The following MME variants were observed in gnomAD, a reference collection of about 807,000 sequenced individuals.
MME encodes membrane metalloendopeptidase, also known as neprilysin.
In MME, 98 loss-of-function variants were observed where a neutral mutation model predicts 113.2. The observed-to-expected ratio is 0.87, with a 90% confidence interval of 0.74 to 1.02. The LOEUF is 1.02. MME is among the 50% of genes least tolerant of loss of function. MME has a pLI of 0.00. For missense variants in MME, 836 were observed against 896.0 expected (o/e 0.93, Z 0.86); for synonymous variants, 292 against 300.6 (o/e 0.97, Z 0.30).
rs368588360 is a variant in MME at position 155,114,321 on chromosome 3, A to AT, written c.197-671dup. 2.7e-3 allele frequency among the ~76,000 whole-genome samples: 410 copies of AT among 152,282 alleles called. 3 individuals are homozygous for AT. The highest frequency in any genetic ancestry group is 9.6e-3 in the African/African-American group (397 of 41,566). On this transcript the variant is annotated intron_variant, in intron 3 of 22. Coordinates refer to ENST00000360490, the MANE Select transcript of MME (RefSeq NM_007289.4). ...AGCTCCTACCAGAGTCAACGTCTTGATTGTAAATACTCAGTGTTGGTTGAT... is the reference window on the plus strand; with the variant it reads ...AGCTCCTACCAGAGTCAACGTCTTGATTTGTAAATACTCAGTGTTGGTTGAT...
intron 20 of MME, among the ~76,000 whole-genome samples, chr3:155,170,411 A>G (rs1340101737): frequency 6.6e-6 from 1 of 152,092 alleles, no homozygotes; most frequent in African/African-American, 2.4e-5. Flanking sequence ...TTATTCTAGG[A>G]TACAGTTAAA....
At chr3:155,166,767 C>T (rs1723126195) in intron 17 of MME, 135 bp from the exon 18 acceptor site, 2 of 1,098,878 alleles carry the variant, frequency 1.8e-6, no homozygotes, top group South Asian at 2.6e-5. Flanking sequence ...CCAAGCCTGC[C>T]ATCACTGAAT....
chr3:155,143,410 G>T, intron 12 of MME, 33 bp from the exon 13 acceptor site: 1 of 1,607,116 alleles, frequency 6.2e-7, no homozygotes, highest in South Asian at 1.1e-5. Flanking sequence ...CTTTCCTTCT[G>T]GTCAAATGCC....
upstream of MME, among the ~76,000 whole-genome samples, chr3:155,077,192 C>T (rs1433734678): frequency 6.6e-6 from 1 of 152,132 alleles, no homozygotes; most frequent in Non-Finnish European, 1.5e-5. Flanking sequence ...TACTTGCCTG[C>T]TGGCTCAATG....
At chr3:155,077,721 AC>A (rs1714799591), upstream of MME, among the ~76,000 whole-genome samples, 1 of 151,376 alleles carries the variant, frequency 6.6e-6, no homozygotes, top group Non-Finnish European at 1.5e-5. Flanking sequence ...ACAAAAAAAA[AC>A]GAACAACAGC....
chr3:155,083,792 G>C (rs1035383052), intron 1 of MME: 1 of 255,526 alleles, frequency 3.9e-6, no homozygotes, highest in African/African-American at 2.3e-5. Context: ...AGTTCAAAAG[G>C]GTGAGTTTAA....
chr3:155,179,970 A>G (rs1201603522), intron 22 of MME, among the ~76,000 whole-genome samples: 4 of 152,250 alleles, frequency 2.6e-5, no homozygotes, highest in Non-Finnish European at 4.4e-5. Flanking sequence ...AACTCTTATT[A>G]TAATACAACT....
intron 3 of MME, among the ~76,000 whole-genome samples, chr3:155,099,373 T>G (rs993408519): frequency 1.3e-5 from 2 of 152,204 alleles, no homozygotes; most frequent in African/African-American, 2.4e-5. Context: ...GTTTAAACAT[T>G]TCTCAGCGGT....
At chr3:155,140,345 C>A (rs1232951302) in intron 10 of MME, 53 bp downstream of exon 10, 5 of 994,562 alleles carry the variant, frequency 5.0e-6, no homozygotes, top group Non-Finnish European at 6.2e-6. Context: ...TAAATTATAA[C>A]ATTGAAATAC....
chr3:155,176,920 T>G (rs1712592371), intron 22 of MME, among the ~76,000 whole-genome samples: 1 of 152,152 alleles, frequency 6.6e-6, no homozygotes, highest in South Asian at 2.1e-4. Context: ...GTTGATCTAT[T>G]CAGGATCAAA....
chr3:155,118,652 G>C lies in MME; in HGVS notation c.655-94G>C, dbSNP rs774657585. The C allele has an allele frequency of 3.7e-6, 3 of 819,240 alleles. No homozygotes were observed. In the South Asian group the frequency reaches 4.4e-5, roughly 12 times the overall value. 50.7% of individuals were successfully genotyped at this position (819,240 alleles called of 1,614,324 possible). A position where few individuals can be genotyped will look rare whatever the true frequency, so the allele number is the denominator to read the frequency against. ...GTCACCCCATAAACAGCAAGAGTAG[G>C]ATCTTTCACATACATAGATAGACAT... On this transcript the variant is annotated intron_variant, in intron 7 of 22. Coordinates refer to ENST00000360490, the MANE Select transcript of MME (RefSeq NM_007289.4).
rs1243609500 is a variant in MME, at chr3:155,025,573, G to A, written c.-11+1249G>A. ...CAGGAGGCAGAGGTTGCGGTGAGCC[G>A]AGATAGTGCCATTGCACTCCAGCCT... On this transcript the variant is annotated intron_variant, in intron 1 of 22. Coordinates refer to the MME transcript ENST00000492661. 6.8e-5 allele frequency among the ~76,000 whole-genome samples: 10 copies of A among 147,316 alleles called. No individual in the cohort carries two copies. In the East Asian group the frequency reaches 8.2e-4, roughly 12 times the overall value.
chr3:155,042,921 T>TAC lies in MME; in HGVS notation c.-11+18598_-11+18599insCA, dbSNP rs1355298550. ...GGTTTTATATATATATATATATATA[T>TAC]ATATATATATATATATATGTATATA... On this transcript the variant is annotated intron_variant, in intron 1 of 22. Transcript: ENST00000492661. Among the ~76,000 whole-genome samples, 8 of 61,240 alleles carry TAC rather than the reference T, an allele frequency of 1.3e-4. No individual in the cohort carries two copies. In the East Asian group the frequency reaches 1.7e-3, roughly 13 times the overall value. 40.2% of individuals were successfully genotyped at this position (61,240 alleles called of 152,430 possible).
chr3:155,072,090 A>G (rs1029748748), intron 1 of MME, among the ~76,000 whole-genome samples: 1 of 144,318 alleles, frequency 6.9e-6, no homozygotes, highest in Non-Finnish European at 1.5e-5. Flanking sequence ...GAACCCGGGA[A>G]GCGGAGCTTG....
chr3:155,087,397 T>C (rs1306934962), intron 3 of MME, among the ~76,000 whole-genome samples: 1 of 152,078 alleles, frequency 6.6e-6, no homozygotes, highest in Non-Finnish European at 1.5e-5. Flanking sequence ...TAGTAAGTTT[T>C]TCCCAAAAAC....
chr3:155,122,667 C>T (rs1232729835), intron 8 of MME, among the ~76,000 whole-genome samples: 4 of 20,818 alleles, frequency 1.9e-4, no homozygotes, highest in Admixed American at 5.2e-4. Flanking sequence ...GCCTTCATTT[C>T]GTTATGTACC....
At chr3:155,076,411 G>A (rs1394613177), upstream of MME, among the ~76,000 whole-genome samples, 1 of 152,204 alleles carries the variant, frequency 6.6e-6, no homozygotes, top group African/African-American at 2.4e-5. Context: ...TAAAGTGAAA[G>A]CTCTAGGTCG....
intron 1 of MME, among the ~76,000 whole-genome samples, chr3:155,065,975 C>T (rs545196853): frequency 2.6e-4 from 40 of 152,256 alleles, no homozygotes; most frequent in African/African-American, 9.6e-4. Context: ...GTGAATAGGA[C>T]AGGGATTTAA....
At chr3:155,110,746 A>C (rs901295954) in intron 3 of MME, among the ~76,000 whole-genome samples, 1 of 152,214 alleles carries the variant, frequency 6.6e-6, no homozygotes, top group Admixed American at 6.5e-5. Flanking sequence ...TGGAAAATAA[A>C]GGTAAGCAAA....
Sources: gnomAD v4.1 joint callset for allele counts (sites outside exome capture counted in the v4.1 genomes callset) on GRCh38, gnomAD v4.1.1 for gene constraint, MANE v1.5 for transcripts, NCBI Gene and HGNC (gene_info 2026-07-23, HGNC 2026-07-21) for gene names.